Variants in DCP1B observed in about 807,000 individuals in gnomAD.
DCP1B encodes the protein mRNA-decapping enzyme 1B.
Under a neutral mutation model 60.5 loss-of-function variants are expected in DCP1B, and 47 were observed. The observed-to-expected ratio is 0.78, with a 90% CI of 0.61 to 0.99. The LOEUF (loss-of-function observed/expected upper bound fraction) is 0.99, where lower values mean the gene tolerates loss of function less well. Ranked by LOEUF, DCP1B falls within the 50% of genes least tolerant of loss-of-function variation. The pLI, the probability that DCP1B is intolerant of heterozygous loss-of-function variation, is 0.00. For missense variants in DCP1B, 725 were observed against 756.8 expected (o/e 0.96, Z 0.49); for synonymous variants, 267 against 280.3 (o/e 0.95, Z 0.47).
At chr12:1,988,047 G>C in intron 3 of DCP1B, among the ~76,000 whole-genome samples, 1 of 152,214 alleles carries the variant, frequency 6.6e-6, no homozygotes, top group East Asian at 1.9e-4. Context: ...AGTTGCACAG[G>C]GGTCATTACG....
chr12:1,983,854 C>A (rs1363596236), intron 3 of DCP1B, among the ~76,000 whole-genome samples: 5 of 151,192 alleles, frequency 3.3e-5, no homozygotes, highest in Admixed American at 6.6e-5. Flanking sequence ...AAAAAAAAAA[C>A]AAAAACTTCT....
At chr12:1,985,689 C>T (rs2037489865) in intron 3 of DCP1B, among the ~76,000 whole-genome samples, 1 of 152,164 alleles carries the variant, frequency 6.6e-6, no homozygotes, top group Non-Finnish European at 1.5e-5. Flanking sequence ...ACTCAGAGTC[C>T]TCTTGAAACC....
At chr12:1,970,925 C>T (rs997381034) in intron 3 of DCP1B, 22 of 371,528 alleles carry the variant, frequency 5.9e-5, no homozygotes, top group Non-Finnish European at 9.8e-5. Flanking sequence ...CGATACGATA[C>T]GGCCATGTCA....
chr12:1,992,591 C>G (rs1391381148), intron 3 of DCP1B: 1 of 155,538 alleles, frequency 6.4e-6, no homozygotes, highest in Admixed American at 6.3e-5. Flanking sequence ...GGCATATTTT[C>G]AGCAATCTTC....
intron 3 of DCP1B, among the ~76,000 whole-genome samples, chr12:1,985,969 C>G (rs1409329719): frequency 6.6e-6 from 1 of 152,176 alleles, no homozygotes; most frequent in Non-Finnish European, 1.5e-5. Flanking sequence ...TGCCACCACA[C>G]TTGGCTAATT....
intron 3 of DCP1B, chr12:1,970,667 A>G (rs2031964348): frequency 6.1e-6 from 1 of 163,870 alleles, no homozygotes; most frequent in Non-Finnish European, 1.3e-5. Context: ...GGAGATATAT[A>G]AAAACCAGAG....
intron 1 of DCP1B, 117 bp downstream of exon 1, chr12:2,004,165 C>G (rs2042847343): frequency 6.8e-7 from 1 of 1,462,430 alleles, no homozygotes; most frequent in African/African-American, 1.4e-5. Context: ...CCCAGATCCA[C>G]CCACTTCCAG....
intron 6 of DCP1B, among the ~76,000 whole-genome samples, chr12:1,954,483 T>C (rs1410226441): frequency 1.3e-5 from 2 of 152,124 alleles, no homozygotes; most frequent in African/African-American, 4.8e-5. Flanking sequence ...TTTACAATCA[T>C]TAATGGGACC....
intron 5 of DCP1B, among the ~76,000 whole-genome samples, chr12:1,965,154 C>T (rs1249301216): frequency 1.3e-5 from 2 of 152,050 alleles, no homozygotes; most frequent in African/African-American, 2.4e-5. Context: ...TATTTTTATG[C>T]CTTTCAGGAG....
intron 1 of DCP1B, 59 bp downstream of exon 1, chr12:2,004,223 G>A: frequency 1.3e-6 from 2 of 1,597,314 alleles, no homozygotes; most frequent in Non-Finnish European, 1.7e-6. Flanking sequence ...TCCTGAGTCT[G>A]ACGCCCCCCG....
At chr12:1,994,155 G>C (rs2040222643) in intron 2 of DCP1B, among the ~76,000 whole-genome samples, 1 of 152,302 alleles carries the variant, frequency 6.6e-6, no homozygotes, top group South Asian at 2.1e-4. Flanking sequence ...AACTACATGT[G>C]CATTCATCTA....
intron 3 of DCP1B, among the ~76,000 whole-genome samples, chr12:1,979,096 T>C (rs563396283): frequency 5.2e-4 from 78 of 151,000 alleles, no homozygotes; most frequent in African/African-American, 1.8e-3. Context: ...TGCTGCAACC[T>C]CCGCCTCCCG....
chr12:1,952,638 G>T lies in DCP1B; in HGVS notation c.1302C>A (p.Leu434=). The T allele has an allele frequency of 6.2e-7, 1 of 1,614,184 alleles. No individual in the cohort carries two copies. The highest frequency in any genetic ancestry group is 8.5e-7 in the Non-Finnish European group (1 of 1,180,040). The change falls in exon 7 of 9, where the codon CTC becomes CTA. Residue 434 remains leucine, a synonymous_variant. Coordinates refer to ENST00000280665, the MANE Select transcript of DCP1B (RefSeq NM_152640.5). ...TGCCAGTCTGACTACCAGAGATGGG[G>T]AGTGTTTGTCTTGGGAGTGTGGACT... ...REQSTLPRQT[L]PISGSQTGSS...
Position 1,952,981 on chromosome 12 carries a change from C to G in DCP1B, c.959G>C (p.Ser320Thr). ...AAAAAATTCTCCCGCAGAATGGGTACTGCCATTTTCACAAGGCCGGTTTTC... is the reference window on the plus strand; with the variant it reads ...AAAAAATTCTCCCGCAGAATGGGTAGTGCCATTTTCACAAGGCCGGTTTTC... ...LPENRPCENGSTHSAGEFFTG... is the reference protein window; with the variant it reads ...LPENRPCENGTTHSAGEFFTG... The change falls in exon 7 of 9, where the codon AGT becomes ACT. Residue 320 changes from serine to threonine, a missense_variant. Physicochemically the swap from Ser to Thr is moderately conservative, Grantham distance 58. Coordinates refer to ENST00000280665, the MANE Select transcript of DCP1B (RefSeq NM_152640.5). The G allele has an allele frequency of 6.2e-7, 1 of 1,614,144 alleles. No homozygotes were observed. Among genetic ancestry groups the G allele is most frequent in the Non-Finnish European group, 8.5e-7 (1 of 1,179,996 alleles).
Position 1,984,383 on chromosome 12 carries a change from T to C in DCP1B, c.319+8881A>G, listed in dbSNP as rs190291818. ...ATTTTATCTCTTGGTGATATCTCTA[T>C]ATTTCTTTTTAGTGGTTGCTCTAAG... On this transcript the variant is annotated intron_variant, in intron 3 of 8. Transcript: ENST00000280665. 3.9e-4 allele frequency among the ~76,000 whole-genome samples: 59 copies of C among 152,246 alleles called. No homozygotes were observed. In the East Asian group the frequency reaches 0.011, roughly 29 times the overall value.
At chr12:1,986,037 T>A (rs1234684727) in intron 3 of DCP1B, among the ~76,000 whole-genome samples, 1 of 152,170 alleles carries the variant, frequency 6.6e-6, no homozygotes, top group East Asian at 1.9e-4. Context: ...ATGGTCTCGA[T>A]CTCCTGACCT....
intron 2 of DCP1B, among the ~76,000 whole-genome samples, chr12:1,994,576 C>T (rs909165606): frequency 1.3e-5 from 2 of 152,156 alleles, no homozygotes; most frequent in African/African-American, 4.8e-5. Context: ...AATGTACTCC[C>T]AAAGAGCTCT....
chr12:1,999,003 C>T (rs1268649822), intron 1 of DCP1B, among the ~76,000 whole-genome samples: 1 of 152,258 alleles, frequency 6.6e-6, no homozygotes, highest in Non-Finnish European at 1.5e-5. Flanking sequence ...ATGATCCTTT[C>T]ACATGCTCAG....
intron 7 of DCP1B, chr12:1,950,196 T>C (rs1458312088): frequency 6.6e-6 from 4 of 610,296 alleles, no homozygotes; most frequent in Non-Finnish European, 1.2e-5. Flanking sequence ...TCCCTTAGCG[T>C]CTCTTTGAGC....
Sources: allele counts gnomAD v4.1 joint callset (sites outside exome capture counted in the v4.1 genomes callset), GRCh38; gene constraint gnomAD v4.1.1; transcripts MANE v1.5; gene names NCBI Gene and HGNC (gene_info 2026-07-23, HGNC 2026-07-21).